ACAD11: variants seen among roughly 807,000 people sequenced by gnomAD.
ACAD11 encodes the protein acyl-Coenzyme A dehydrogenase family, member 11.
A neutral mutation model predicts 102.2 loss-of-function variants in ACAD11; 83 were observed. That is an observed-to-expected ratio of 0.81 (90% CI 0.68 to 0.97). ACAD11 has a LOEUF of 0.97. Ranked by LOEUF, ACAD11 falls within the 50% of genes least tolerant of loss-of-function variation. The pLI is 0.00. For synonymous variants in ACAD11, 324 were observed against 319.8 expected (o/e 1.01, Z -0.14); for missense variants, 901 against 951.7 (o/e 0.95, Z 0.70).
chr3:132,559,231 A>T (rs2107774364), intron 19 of ACAD11, 146 bp from the exon 20 acceptor site: 1 of 676,478 alleles, frequency 1.5e-6, no homozygotes, highest in East Asian at 2.8e-5. Flanking sequence ...TACCAGGAAA[A>T]TAAGCTAAAG....
In ACAD11 at chr3:132,626,750, G is replaced by T; in HGVS notation, c.1138C>A (p.Gln380Lys). The T allele has an allele frequency of 6.2e-7, 1 of 1,613,710 alleles. No individual in the cohort carries two copies. Residue 380 changes from glutamine (Q) to lysine (K), a missense_variant, in exon 9 of 20, where the codon CAG (glutamine) becomes AAG (lysine). By Grantham distance (53) the Gln-to-Lys change is moderately conservative. Transcript: ENST00000264990. ...GQLFVQTRKG[Q>K]EVLIKVKHFM... is the part of the protein sequence containing the mutation. ...TGCTTCACCTTAATAAGAACTTCCT[G>T]ACCTTTCCGAGTCTGTACAAACAAC... is the stretch of plus-strand genomic sequence containing the variant.
intron 11 of ACAD11, among the ~76,000 whole-genome samples, chr3:132,611,800 C>CA (rs1465035165): frequency 6.6e-6 from 1 of 151,916 alleles, no homozygotes; most frequent in African/African-American, 2.4e-5. Context: ...CCATACAGCC[C>CA]AAGGTAATTT....
chr3:132,561,879 T>C (rs1265692426), intron 17 of ACAD11, among the ~76,000 whole-genome samples: 3 of 152,216 alleles, frequency 2.0e-5, no homozygotes, highest in South Asian at 2.1e-4. Flanking sequence ...TCCATCACTA[T>C]AGTTTTGCCT....
At chr3:132,584,007 G>T (rs1315860471) in intron 13 of ACAD11, among the ~76,000 whole-genome samples, 1 of 152,158 alleles carries the variant, frequency 6.6e-6, no homozygotes, top group East Asian at 1.9e-4. Context: ...AATAGGTGTG[G>T]TGTGGTGCTG....
In ACAD11 at chr3:132,558,156, G is replaced by T. The variant is rs1047515038; in HGVS notation, c.*815C>A. On this transcript the variant is annotated 3_prime_UTR_variant, in exon 20 of 20. Transcript: ENST00000264990. ...TACAAAATTGTAAGGACCAGATATA[G>T]CCTTTAATTCCTAATGTTCAAAAAC... The T allele has an allele frequency of 6.6e-6, 1 of 152,084 alleles. No individual in the cohort carries two copies. The highest frequency in any genetic ancestry group is 6.6e-5 in the Admixed American group (1 of 15,262). The allele number at this position is 152,084 out of a possible 1,614,324, so 9.4% of individuals were successfully genotyped here. A position where few individuals can be genotyped will look rare whatever the true frequency, so the allele number is the denominator to read the frequency against.
At chr3:132,596,488 G>A (rs59300212) in intron 13 of ACAD11, among the ~76,000 whole-genome samples, 5,481 of 152,162 alleles carry the variant, frequency 0.036, 318 homozygotes, top group African/African-American at 0.12. Flanking sequence ...TTCTGCAGGT[G>A]GAGACTGAGC....
chr3:132,608,652 A>G (rs58044355), intron 11 of ACAD11, among the ~76,000 whole-genome samples: 11,726 of 151,910 alleles, frequency 0.077, 1,504 homozygotes, highest in African/African-American at 0.27. Flanking sequence ...GCAAATTCTT[A>G]GAGACTACAA....
Position 132,626,681 on chromosome 3 carries a change from T to A in ACAD11, c.1197+10A>T. Reference sequence around the variant, plus strand: ...TTAGCAGAAATACATTCTGCTTATATAATACTCACCTTTTCAGCTGGAAGA... The same window carrying A: ...TTAGCAGAAATACATTCTGCTTATAAAATACTCACCTTTTCAGCTGGAAGA... On this transcript the variant is annotated intron_variant, in intron 9 of 19. Coordinates refer to ENST00000264990, the MANE Select transcript of ACAD11 (RefSeq NM_032169.5). 1 of 1,613,144 alleles carries A rather than the reference T, an allele frequency of 6.2e-7. No individual in the cohort carries two copies. The highest frequency in any genetic ancestry group is 1.3e-5 in the African/African-American group (1 of 75,046).
chr3:132,583,621 A>C (rs1937660805), intron 13 of ACAD11, among the ~76,000 whole-genome samples: 1 of 151,942 alleles, frequency 6.6e-6, no homozygotes, highest in Non-Finnish European at 1.5e-5. Flanking sequence ...TTGCTTCTCT[A>C]GTTCTTTTAA....
chr3:132,618,812 C>A, intron 10 of ACAD11, 40 bp from the exon 11 acceptor site: 1 of 1,487,434 alleles, frequency 6.7e-7, no homozygotes, highest in Non-Finnish European at 8.9e-7. Context: ...CCATAATTTA[C>A]CAGGACTCAC....
chr3:132,582,665 C>T (rs1171637217), intron 13 of ACAD11, among the ~76,000 whole-genome samples: 2 of 149,758 alleles, frequency 1.3e-5, no homozygotes, highest in Non-Finnish European at 3.0e-5. Context: ...CACTCTCTGA[C>T]AAAATGCTAA....
At chr3:132,575,636 C>G in intron 17 of ACAD11, 136 bp downstream of exon 17, 1 of 1,047,604 alleles carries the variant, frequency 9.5e-7, no homozygotes, top group Non-Finnish European at 1.4e-6. Flanking sequence ...TATTTAAATA[C>G]AGACATAAAT....
intron 13 of ACAD11, among the ~76,000 whole-genome samples, chr3:132,599,902 T>A (rs1167912233): frequency 6.6e-6 from 1 of 152,088 alleles, no homozygotes; most frequent in Non-Finnish European, 1.5e-5. Context: ...ATAAATAACA[T>A]CAAAATAAAA....
At chr3:132,588,279 A>G (rs1308067082) in intron 13 of ACAD11, among the ~76,000 whole-genome samples, 1 of 152,108 alleles carries the variant, frequency 6.6e-6, no homozygotes, top group East Asian at 1.9e-4. Context: ...GTTCATCTTA[A>G]GCACTTACTC....
chr3:132,618,856 T>G, intron 10 of ACAD11, 84 bp from the exon 11 acceptor site: 2 of 1,303,262 alleles, frequency 1.5e-6, no homozygotes, highest in South Asian at 2.2e-5. Context: ...TATTGGTATT[T>G]ATGATCTTTG....
In ACAD11 at chr3:132,631,193, AT is replaced by A. The variant is rs1298878722; in HGVS notation, c.841+147del. The A allele has an allele frequency of 1.7e-5, 8 of 458,090 alleles. No homozygotes were observed. In the South Asian group the frequency reaches 3.5e-4, roughly 20 times the overall value. The allele number at this position is 458,090 out of a possible 1,614,324, so 28.4% of individuals were successfully genotyped here. The stretch of plus-strand genomic sequence containing the variant: ...AAAAAGAATTATCTTCAACAAAAAA[AT>A]AAAATAAAAATAAAAATCATAATAA... On this transcript the variant is annotated intron_variant, in intron 6 of 19. Coordinates refer to ENST00000264990, the MANE Select transcript of ACAD11 (RefSeq NM_032169.5).
intron 13 of ACAD11, chr3:132,600,357 A>T: frequency 6.7e-7 from 1 of 1,494,714 alleles, no homozygotes. Flanking sequence ...TATTTAGACA[A>T]ATATCTATCC....
chr3:132,652,019 A>C (rs1940947606), intron 1 of ACAD11, among the ~76,000 whole-genome samples: 1 of 152,188 alleles, frequency 6.6e-6, no homozygotes, highest in Non-Finnish European at 1.5e-5. Context: ...ATTTTAAAAT[A>C]TGAGGACATG....
At chr3:132,591,459 C>T (rs1029458023) in intron 13 of ACAD11, among the ~76,000 whole-genome samples, 18 of 152,186 alleles carry the variant, frequency 1.2e-4, no homozygotes, top group African/African-American at 4.3e-4. Flanking sequence ...TGCTAGCTAT[C>T]CAGCATCAGT....
Sources: allele counts gnomAD v4.1 joint callset (sites outside exome capture counted in the v4.1 genomes callset), GRCh38; gene constraint gnomAD v4.1.1; transcripts MANE v1.5; gene names NCBI Gene and HGNC (gene_info 2026-07-23, HGNC 2026-07-21).